CEP112: variants seen among roughly 807,000 people sequenced by gnomAD.
CEP112 encodes the protein centrosomal protein 112, also known as centrosomal protein of 112 kDa.
In CEP112, 127 loss-of-function variants were observed where a neutral mutation model predicts 153.0. The observed-to-expected ratio is 0.83, with a 90% confidence interval of 0.72 to 0.96. The LOEUF (loss-of-function observed/expected upper bound fraction) is 0.96. CEP112 is among the 40% of genes least tolerant of loss of function. The pLI is 0.00. For missense variants in CEP112, 1,089 were observed against 1,101.2 expected (o/e 0.99, Z 0.16); for synonymous variants, 358 against 374.4 (o/e 0.96, Z 0.51).
At chr17:65,770,125 C>T (rs2053251329) in intron 21 of CEP112, among the ~76,000 whole-genome samples, 1 of 149,900 alleles carries the variant, frequency 6.7e-6, no homozygotes, top group Non-Finnish European at 1.5e-5. Context: ...ACCTCTAAGA[C>T]CACAAGTCCA....
chr17:65,700,606 T>G (rs2048584615), intron 23 of CEP112, among the ~76,000 whole-genome samples: 1 of 152,068 alleles, frequency 6.6e-6, no homozygotes, highest in Non-Finnish European at 1.5e-5. Context: ...AGAGGCTACA[T>G]GGGTTGCGGC....
At chr17:65,790,602 G>C (rs145856387) in intron 21 of CEP112, among the ~76,000 whole-genome samples, 1 of 152,082 alleles carries the variant, frequency 6.6e-6, no homozygotes, top group Non-Finnish European at 1.5e-5. Context: ...CAGCTCCTTC[G>C]ATCCTCGCAT....
chr17:65,716,830 T>C (rs1006809850), intron 23 of CEP112, among the ~76,000 whole-genome samples: 2 of 152,040 alleles, frequency 1.3e-5, no homozygotes, highest in African/African-American at 2.4e-5. Flanking sequence ...CATGATGCTG[T>C]AGAGGGGCAT....
At chr17:65,643,602 C>T (rs368183180) in intron 24 of CEP112, among the ~76,000 whole-genome samples, 7 of 152,038 alleles carry the variant, frequency 4.6e-5, no homozygotes, top group African/African-American at 1.4e-4. Flanking sequence ...CACCCGGGCC[C>T]CCTGGTACTT....
chr17:65,645,690 C>G (rs1313442486), intron 24 of CEP112, among the ~76,000 whole-genome samples: 1 of 152,202 alleles, frequency 6.6e-6, no homozygotes, highest in Non-Finnish European at 1.5e-5. Flanking sequence ...CTGTGAAGAG[C>G]TGTTATAAAG....
rs147473267 is a variant in CEP112 at position 65,927,594 on chromosome 17, C to T, written c.1968G>A (p.Arg656=). 5.7e-6 allele frequency: 9 copies of T among 1,590,668 alleles called. No individual in the cohort carries two copies. Among genetic ancestry groups the T allele is most frequent in the African/African-American group, 5.4e-5 (4 of 73,900 alleles). The change falls in exon 19 of 27, where the codon CGG becomes CGA. Residue 656 remains arginine, a synonymous_variant. Coordinates refer to ENST00000535342, the MANE Select transcript of CEP112 (RefSeq NM_001199165.4). ...FLWQLEDIRQ[R]YEQQIVELKL... The stretch of plus-strand genomic sequence containing the variant: ...ATGAAAGACCAACCTGTTGTTCATA[C>T]CGCTGTCTGATGTCCTCCAGTTGCC...
chr17:66,056,812 G>A (rs2066710740), intron 11 of CEP112, among the ~76,000 whole-genome samples: 2 of 152,040 alleles, frequency 1.3e-5, no homozygotes, highest in South Asian at 2.1e-4. Flanking sequence ...ATATTGTGGT[G>A]GAAGTTGCAC....
intron 8 of CEP112, 55 bp downstream of exon 8, chr17:66,096,196 A>C: frequency 7.8e-7 from 1 of 1,278,274 alleles, no homozygotes; most frequent in East Asian, 2.3e-5. Context: ...CCTAGATTAC[A>C]TAAAATATTA....
chr17:66,108,802 A>G (rs2068893199), intron 6 of CEP112, among the ~76,000 whole-genome samples: 1 of 152,230 alleles, frequency 6.6e-6, no homozygotes, highest in Non-Finnish European at 1.5e-5. Context: ...TATCAAAGAG[A>G]TATCTGCATG....
chr17:65,864,737 G>A (rs757938158), intron 20 of CEP112, among the ~76,000 whole-genome samples: 3 of 152,158 alleles, frequency 2.0e-5, no homozygotes, highest in East Asian at 1.9e-4. Flanking sequence ...CAACACCACC[G>A]GCATCTTTAT....
intron 18 of CEP112, among the ~76,000 whole-genome samples, chr17:65,938,818 AT>A (rs34961627): frequency 0.13 from 19,440 of 149,342 alleles, 1,458 homozygotes; most frequent in African/African-American, 0.21. Context: ...TTCAAAAAAG[AT>A]TTTTTTTTTT....
intron 21 of CEP112, among the ~76,000 whole-genome samples, chr17:65,797,962 G>A (rs1045015021): frequency 2.0e-5 from 3 of 152,190 alleles, no homozygotes; most frequent in African/African-American, 7.2e-5. Context: ...GGTCTCTGAT[G>A]CTACTGGCTA....
At chr17:65,937,529 C>T (rs1187245815) in intron 18 of CEP112, among the ~76,000 whole-genome samples, 3 of 137,736 alleles carry the variant, frequency 2.2e-5, no homozygotes, top group East Asian at 2.4e-4. Flanking sequence ...AGTGAGGAGC[C>T]CCTCTGCCCG....
chr17:65,941,830 C>T (rs575887055), intron 18 of CEP112, among the ~76,000 whole-genome samples: 49 of 151,448 alleles, frequency 3.2e-4, no homozygotes, highest in African/African-American at 1.2e-3. Context: ...GTGGCCCAGG[C>T]TGGAGTACAG....
At chr17:66,115,893 A>G (rs1461057279) in intron 6 of CEP112, among the ~76,000 whole-genome samples, 1 of 152,194 alleles carries the variant, frequency 6.6e-6, no homozygotes, top group East Asian at 1.9e-4. Context: ...TTCAGTAACA[A>G]TCTCAGCTGG....
At chr17:65,740,771 T>TA (rs1182786161) in intron 23 of CEP112, among the ~76,000 whole-genome samples, 1 of 152,202 alleles carries the variant, frequency 6.6e-6, no homozygotes, top group African/African-American at 2.4e-5. Flanking sequence ...TCAAGCCTCA[T>TA]AGTGGCTGTG....
At chr17:65,928,820 C>T (rs2061021593) in intron 18 of CEP112, among the ~76,000 whole-genome samples, 1 of 152,122 alleles carries the variant, frequency 6.6e-6, no homozygotes, top group South Asian at 2.1e-4. Context: ...GCCATGACTG[C>T]ACCACTGCAT....
chr17:65,791,955 C>A (rs1023319831), intron 21 of CEP112, among the ~76,000 whole-genome samples: 4 of 152,280 alleles, frequency 2.6e-5, no homozygotes, highest in Non-Finnish European at 5.9e-5. Flanking sequence ...AGTCATGCAG[C>A]TAGGTGTTGG....
At chr17:65,925,136 C>T (rs78851166) in intron 19 of CEP112, among the ~76,000 whole-genome samples, 5,648 of 152,230 alleles carry the variant, frequency 0.037, 315 homozygotes, top group African/African-American at 0.12. Context: ...ATGGGGGCAG[C>T]TTCCCCCCGT....
Sources: allele counts gnomAD v4.1 joint callset (sites outside exome capture counted in the v4.1 genomes callset), GRCh38; gene constraint gnomAD v4.1.1; transcripts MANE v1.5; gene names NCBI Gene and HGNC (gene_info 2026-07-23, HGNC 2026-07-21).